Variants in BBX observed in about 807,000 individuals in gnomAD.
BBX encodes the protein BBX high mobility group box domain containing, also known as HMG box transcription factor BBX.
A neutral mutation model predicts 100.2 loss-of-function variants in BBX; 30 were observed. The observed-to-expected ratio is 0.30, with a 90% CI of 0.22 to 0.41. The LOEUF (loss-of-function observed/expected upper bound fraction) is 0.41. BBX is among the 10% of genes least tolerant of loss of function. BBX has a pLI of 1.00. For missense variants in BBX, 1,023 were observed against 1,129.8 expected, an observed-to-expected ratio of 0.91 and a Z score of 1.35; for synonymous variants, 376 against 388.1, an observed-to-expected ratio of 0.97 and a Z score of 0.37.
In BBX at chr3:107,769,227, T is replaced by TAGAC. The variant is rs755263869; in HGVS notation, c.907-3397_907-3394dup. ...ATAGATAGATAGATAGATAGATAGA[T>TAGAC]AGACAGATAGATAGGATAGATAGAT... On this transcript the variant is annotated intron_variant, in intron 10 of 17. Transcript: ENST00000325805. Among the ~76,000 whole-genome samples, 190 of 89,868 alleles carry TAGAC rather than the reference T, an allele frequency of 2.1e-3. 2 individuals are homozygous for TAGAC. The highest frequency in any genetic ancestry group is 9.4e-3 in the Middle Eastern group (2 of 212). 59.0% of individuals were successfully genotyped at this position (89,868 alleles called of 152,430 possible).
intron 2 of BBX, among the ~76,000 whole-genome samples, chr3:107,594,742 T>A (rs914358760): frequency 2.0e-5 from 3 of 152,154 alleles, no homozygotes. Context: ...CATATAATAA[T>A]AGCTTAAAAA....
chr3:107,572,606 T>C (rs2051453621), intron 2 of BBX, among the ~76,000 whole-genome samples: 1 of 152,208 alleles, frequency 6.6e-6, no homozygotes, highest in Non-Finnish European at 1.5e-5. Context: ...ATCAATATGG[T>C]ATAATCATTT....
intron 3 of BBX, among the ~76,000 whole-genome samples, chr3:107,696,529 A>T (rs1168949366): frequency 1.6e-4 from 24 of 151,432 alleles, no homozygotes; most frequent in African/African-American, 5.6e-4. Flanking sequence ...ACTGGCCCCC[A>T]CTCTCTTCTG....
rs1395332886 is a variant in BBX, at chr3:107,803,511, G to GA, written c.2739-1853dup. 2.9e-4 allele frequency among the ~76,000 whole-genome samples: 44 copies of GA among 152,116 alleles called. 1 individual carries two copies. The highest frequency in any genetic ancestry group is 2.9e-3 in the Admixed American group (44 of 15,272). ...AATATACGACCTGCACTCATGCCAT[G>GA]AAAAAATCTAACGTTAGGTTCAGAA... is the stretch of plus-strand genomic sequence containing the variant. On this transcript the variant is annotated intron_variant, in intron 17 of 17. Coordinates refer to ENST00000325805, the MANE Select transcript of BBX (RefSeq NM_001142568.3).
In BBX at chr3:107,732,950, AT is replaced by A. The variant is rs2063401551; in HGVS notation, c.602-3del. The A allele has an allele frequency of 5.0e-6, 8 of 1,612,084 alleles. No individual in the cohort carries two copies. Among genetic ancestry groups the A allele is most frequent in the Non-Finnish European group, 6.8e-6 (8 of 1,179,016 alleles). On this transcript the variant is annotated splice_polypyrimidine_tract_variant and splice_region_variant and intron_variant, in intron 6 of 17. Transcript: ENST00000325805. ...TAAGTTGGTGATTTGTTTTTGACTT[AT>A]TTAGATCCTACTCAAATGGGAGGCC...
In BBX at chr3:107,748,049, T is replaced by G. The variant is rs1041623655; in HGVS notation, c.825+10T>G. On this transcript the variant is annotated intron_variant, in intron 9 of 17. Transcript: ENST00000325805. ...GTTTCAGTTTGCAGAGGTATGGCCTTTTTAAAATGCTTTTTAGGCTAAGAA... is the reference window on the plus strand; with the variant it reads ...GTTTCAGTTTGCAGAGGTATGGCCTGTTTAAAATGCTTTTTAGGCTAAGAA... 7.5e-6 allele frequency: 12 copies of G among 1,608,458 alleles called. No homozygotes were observed. The highest frequency in any genetic ancestry group is 1.0e-5 in the Non-Finnish European group (12 of 1,176,550).
chr3:107,673,195 T>G (rs983431534), intron 3 of BBX, among the ~76,000 whole-genome samples: 1 of 152,078 alleles, frequency 6.6e-6, no homozygotes, highest in Non-Finnish European at 1.5e-5. Flanking sequence ...AGTTTCACGT[T>G]AACAGACTTT....
intron 2 of BBX, among the ~76,000 whole-genome samples, chr3:107,534,819 C>A (rs1293292571): frequency 1.3e-5 from 2 of 152,136 alleles, no homozygotes; most frequent in African/African-American, 4.8e-5. Context: ...TGGAAATAAA[C>A]TCCTTATCCA....
chr3:107,703,087 T>G (rs2061181385), intron 3 of BBX, among the ~76,000 whole-genome samples: 1 of 152,196 alleles, frequency 6.6e-6, no homozygotes. Flanking sequence ...TGTTTCAGCT[T>G]CTTGTCAATG....
intron 3 of BBX, among the ~76,000 whole-genome samples, chr3:107,695,623 A>G (rs372766432): frequency 9.3e-5 from 14 of 150,972 alleles, no homozygotes; most frequent in African/African-American, 2.7e-4. Flanking sequence ...CAACTATGTG[A>G]TCAATTTTGG....
chr3:107,749,464 C>T (rs537104816), intron 9 of BBX, among the ~76,000 whole-genome samples: 3 of 152,218 alleles, frequency 2.0e-5, no homozygotes, highest in Admixed American at 1.3e-4. Context: ...TTCTATACTG[C>T]ATAGCAGGAA....
chr3:107,683,711 C>T lies in BBX; in HGVS notation c.-9-26741C>T, dbSNP rs140932701. Among the ~76,000 whole-genome samples the T allele has an allele frequency of 3.6e-3, 541 of 152,168 alleles. 5 individuals carry two copies. Among genetic ancestry groups the T allele is most frequent in the Non-Finnish European group, 6.2e-3 (424 of 68,000 alleles). ...GATGCGTCCCAAAAGTTAGATTTGG[C>T]GTTAGAGGTCACATTCATACAAAAC... On this transcript the variant is annotated intron_variant, in intron 3 of 17. Transcript: ENST00000325805.
chr3:107,739,618 A>T (rs965288788), intron 7 of BBX, among the ~76,000 whole-genome samples: 1 of 152,196 alleles, frequency 6.6e-6, no homozygotes, highest in Non-Finnish European at 1.5e-5. Flanking sequence ...GCTCTCAGAG[A>T]TGAAGGCAAA....
chr3:107,658,678 A>G (rs1442775906), intron 3 of BBX, among the ~76,000 whole-genome samples: 2 of 151,980 alleles, frequency 1.3e-5, no homozygotes, highest in African/African-American at 4.8e-5. Context: ...TATGATTAAA[A>G]ACTACAGCTG....
At chr3:107,598,616 T>C (rs1396559230) in intron 2 of BBX, among the ~76,000 whole-genome samples, 1 of 152,226 alleles carries the variant, frequency 6.6e-6, no homozygotes, top group Non-Finnish European at 1.5e-5. Flanking sequence ...TAATTTATAT[T>C]AATTCTTTAG....
intron 5 of BBX, among the ~76,000 whole-genome samples, chr3:107,724,204 GTCT>G (rs2062749986): frequency 6.6e-6 from 1 of 152,164 alleles, no homozygotes; most frequent in Admixed American, 6.5e-5. Flanking sequence ...CTGCATAAAT[GTCT>G]TCTTTTGAGA....
chr3:107,790,882 G>A (rs975702359), intron 14 of BBX, among the ~76,000 whole-genome samples: 1 of 151,834 alleles, frequency 6.6e-6, no homozygotes, highest in Non-Finnish European at 1.5e-5. Context: ...GTTTTGTTTT[G>A]TATATTGATA....
intron 3 of BBX, among the ~76,000 whole-genome samples, 200 bp from the exon 4 acceptor site, chr3:107,710,252 C>T (rs1024692818): frequency 2.6e-5 from 4 of 152,188 alleles, no homozygotes; most frequent in African/African-American, 4.8e-5. Flanking sequence ...ATGAATGTTT[C>T]ATTATGTATT....
intron 3 of BBX, among the ~76,000 whole-genome samples, chr3:107,690,574 A>G (rs1416602493): frequency 1.3e-5 from 2 of 152,152 alleles, no homozygotes; most frequent in Non-Finnish European, 2.9e-5. Context: ...TGCCTTAATG[A>G]TATAAAGAGC....
Sources: allele counts gnomAD v4.1 joint callset (sites outside exome capture counted in the v4.1 genomes callset), GRCh38; gene constraint gnomAD v4.1.1; transcripts MANE v1.5; gene names NCBI Gene and HGNC (gene_info 2026-07-23, HGNC 2026-07-21).